The following SERINC5 variants were observed in gnomAD, a reference collection of about 807,000 sequenced individuals.
The protein encoded by SERINC5 is chromosome 5 open reading frame 12.
Under a neutral mutation model 63.1 loss-of-function variants are expected in SERINC5, and 41 were observed. That is an observed-to-expected ratio of 0.65 (90% CI 0.51 to 0.84). The LOEUF (loss-of-function observed/expected upper bound fraction) is 0.84. Ranked by LOEUF, SERINC5 falls within the 40% of genes least tolerant of loss-of-function variation. The probability of loss-of-function intolerance (pLI) is 0.00; values close to 1 mark genes in which losing one functional copy is unlikely to be tolerated. For synonymous variants in SERINC5, 222 were observed against 215.2 expected (o/e 1.03, Z -0.28); for missense variants, 523 against 573.0 (o/e 0.91, Z 0.89).
chr5:80,197,095 T>C (rs539651276), intron 2 of SERINC5, among the ~76,000 whole-genome samples: 150 of 152,176 alleles, frequency 9.9e-4, no homozygotes, highest in Non-Finnish European at 1.1e-3. Flanking sequence ...ACGCCTGTAA[T>C]CCCAGCACTT....
rs145748060 is a variant in SERINC5, at chr5:80,145,362, G to T, written c.1238+728C>A. 7.0e-3 allele frequency among the ~76,000 whole-genome samples: 1,057 copies of T among 150,106 alleles called. 12 individuals carry two copies. The highest frequency in any genetic ancestry group is 0.025 in the African/African-American group (1,002 of 40,796). On this transcript the variant is annotated intron_variant, in intron 11 of 11. Transcript: ENST00000507668. The stretch of plus-strand genomic sequence containing the variant: ...CAACTAAAAACAAAAAAAAACTACA[G>T]AGGTTTATAAATGCACAGAAAAGGA...
intron 2 of SERINC5, among the ~76,000 whole-genome samples, chr5:80,192,154 A>G (rs6896738): frequency 0.024 from 3,593 of 152,316 alleles, 144 homozygotes; most frequent in African/African-American, 0.082. Context: ...GCTCTTTGTA[A>G]GAAAAGTCTG....
In SERINC5 at chr5:80,143,006, G is replaced by A. The variant is rs1437522458; in HGVS notation, c.*657C>T. 1 of 985,320 alleles carries A rather than the reference G, an allele frequency of 1.0e-6. No individual in the cohort carries two copies. The highest frequency in any genetic ancestry group is 1.2e-6 in the Non-Finnish European group (1 of 829,962). The allele number at this position is 985,320 out of a possible 1,614,324, so 61.0% of individuals were successfully genotyped here. On this transcript the variant is annotated 3_prime_UTR_variant, in exon 12 of 12. Coordinates refer to ENST00000507668, the MANE Select transcript of SERINC5 (RefSeq NM_001174072.3). ...TTTTTCACATTATTACAAAGATGTG[G>A]GACCCAGAAAAGATGAGACCTCGGG...
chr5:80,253,979 T>G (rs2013057), intron 1 of SERINC5, among the ~76,000 whole-genome samples: 52,183 of 152,066 alleles, frequency 0.34, 9,273 homozygotes, highest in East Asian at 0.56. Flanking sequence ...TGCCCAGGCT[T>G]GAGTGCAATG....
chr5:80,117,936 C>A (rs954645320), intron 11 of SERINC5, among the ~76,000 whole-genome samples: 2 of 151,962 alleles, frequency 1.3e-5, no homozygotes, highest in African/African-American at 2.4e-5. Context: ...GACATGGTGG[C>A]TCATGCCTGT....
At chr5:80,181,416 T>TGTGTGTGTGTGTGTGTGTGTGTGTGTG (rs1580124918) in intron 2 of SERINC5, among the ~76,000 whole-genome samples, 1,858 of 145,380 alleles carry the variant, frequency 0.013, 63 homozygotes, top group East Asian at 0.066. Context: ...TCAGCTAATT[T>TGTGTGTGTGTGTGTGTGTGTGTGTGTG]TGTGTGTGTG....
At chr5:80,114,807 A>T (rs546920351) in intron 11 of SERINC5, among the ~76,000 whole-genome samples, 2 of 152,120 alleles carry the variant, frequency 1.3e-5, no homozygotes, top group African/African-American at 4.8e-5. Context: ...TTGGGTGGGG[A>T]CACAGGGCCA....
chr5:80,164,910 G>GTTTTTTTTTTGTTTT (rs1747175450), intron 7 of SERINC5, among the ~76,000 whole-genome samples: 1 of 85,190 alleles, frequency 1.2e-5, no homozygotes, highest in African/African-American at 4.9e-5. Flanking sequence ...CTTTTTTTCT[G>GTTTTTTTTTTGTTTT]TTTTTTTTTT....
At chr5:80,175,671 C>T (rs920092496) in intron 4 of SERINC5, among the ~76,000 whole-genome samples, 17 of 151,488 alleles carry the variant, frequency 1.1e-4, no homozygotes, top group African/African-American at 3.4e-4. Context: ...GAGTCGGAAA[C>T]CAGCCTGGCC....
chr5:80,147,387 A>G lies in SERINC5; in HGVS notation c.1054-103T>C, dbSNP rs76664559. On this transcript the variant is annotated intron_variant, in intron 9 of 11. Transcript: ENST00000507668. ...TTTGAACCACCTCCCAGGCCCTTCA[A>G]AAGATGTGGACTGTTCTTTCCCAGG... is the stretch of plus-strand genomic sequence containing the variant. The G allele has an allele frequency of 1.8e-4, 207 of 1,172,946 alleles. No homozygotes were observed. In the East Asian group the frequency reaches 4.8e-3, roughly 27 times the overall value. 72.7% of individuals were successfully genotyped at this position (1,172,946 alleles called of 1,614,324 possible). A position where few individuals can be genotyped will look rare whatever the true frequency, so the allele number is the denominator to read the frequency against.
chr5:80,178,334 T>A (rs1020720139), intron 2 of SERINC5, among the ~76,000 whole-genome samples: 13 of 151,292 alleles, frequency 8.6e-5, no homozygotes, highest in African/African-American at 3.2e-4. Flanking sequence ...ATTACCTTTT[T>A]TTTAACCGCC....
chr5:80,112,438 G>A (rs1353542099), intron 12 of SERINC5, among the ~76,000 whole-genome samples: 7 of 152,036 alleles, frequency 4.6e-5, no homozygotes, highest in Non-Finnish European at 8.8e-5. Context: ...TTCTCCTGCC[G>A]CTTCCTCTTG....
chr5:80,214,240 T>C (rs1363334200), intron 1 of SERINC5, among the ~76,000 whole-genome samples: 1 of 152,082 alleles, frequency 6.6e-6, no homozygotes, highest in Non-Finnish European at 1.5e-5. Flanking sequence ...AAGACATAGA[T>C]CAGCACTAAC....
chr5:80,229,904 G>C (rs906801958), intron 1 of SERINC5, among the ~76,000 whole-genome samples: 1 of 152,218 alleles, frequency 6.6e-6, no homozygotes. Flanking sequence ...AAGGCACTTA[G>C]AACGTTAATT....
chr5:80,224,249 C>G (rs1751063305), intron 1 of SERINC5, among the ~76,000 whole-genome samples: 1 of 151,962 alleles, frequency 6.6e-6, no homozygotes, highest in Non-Finnish European at 1.5e-5. Flanking sequence ...TGGCTTGAGT[C>G]CAGGAGTTTG....
intron 2 of SERINC5, among the ~76,000 whole-genome samples, chr5:80,193,991 G>A (rs1749351599): frequency 1.3e-5 from 2 of 152,182 alleles, no homozygotes; most frequent in Non-Finnish European, 2.9e-5. Context: ...AAAAGGTCAT[G>A]GTGAGAATTT....
chr5:80,155,041 A>G (rs1746431846), intron 8 of SERINC5, among the ~76,000 whole-genome samples: 1 of 152,244 alleles, frequency 6.6e-6, no homozygotes, highest in Admixed American at 6.5e-5. Flanking sequence ...AGTTGGGAGT[A>G]GAGAGCTACA....
chr5:80,187,060 G>A (rs1171215961), intron 2 of SERINC5, among the ~76,000 whole-genome samples: 4 of 152,104 alleles, frequency 2.6e-5, no homozygotes, highest in African/African-American at 9.7e-5. Context: ...CAAGTACTCA[G>A]GAGGCTGAGG....
chr5:80,236,346 G>A (rs746667087), intron 1 of SERINC5, among the ~76,000 whole-genome samples: 7 of 152,054 alleles, frequency 4.6e-5, no homozygotes, highest in African/African-American at 7.3e-5. Flanking sequence ...AGAACATACC[G>A]GAACTCAGGC....
Sources: allele counts gnomAD v4.1 joint callset (sites outside exome capture counted in the v4.1 genomes callset), GRCh38; gene constraint gnomAD v4.1.1; transcripts MANE v1.5; gene names NCBI Gene and HGNC (gene_info 2026-07-23, HGNC 2026-07-21).